Variants in GCNT1 observed in about 807,000 individuals in gnomAD.
GCNT1 encodes the protein glucosaminyl (N-acetyl) transferase 1, also known as beta-1,3-galactosyl-O-glycosyl-glycoprotein beta-1,6-N-acetylglucosaminyltransferase.
A neutral mutation model predicts 26.2 loss-of-function variants in GCNT1; 16 were observed. That is an observed-to-expected ratio of 0.61 (90% confidence interval 0.41 to 0.93). GCNT1 has a LOEUF of 0.93. Among genes scored for constraint, GCNT1 ranks in the 40% least tolerant of loss-of-function variants. GCNT1 has a pLI of 0.00. For missense variants in GCNT1, 477 were observed against 526.7 expected, an observed-to-expected ratio of 0.91 and a Z score of 0.92; for synonymous variants, 183 against 190.8, an observed-to-expected ratio of 0.96 and a Z score of 0.34.
the GCNT1 span, among the ~76,000 whole-genome samples, chr9:76,414,129 G>C: frequency 1.3e-5 from 2 of 152,128 alleles, no homozygotes; most frequent in Non-Finnish European, 2.9e-5. Context: ...TTCTCAATTA[G>C]AGCCTTTACT....
At chr9:76,450,245 T>A (rs1823643185) in intron 1 of GCNT1, among the ~76,000 whole-genome samples, 1 of 152,254 alleles carries the variant, frequency 6.6e-6, no homozygotes, top group African/African-American at 2.4e-5. Context: ...GCTTTTTGAC[T>A]TTTCCTTTGA....
chr9:76,472,739 CTTTTCTTTTCTTT>C (rs1403329399), intron 2 of GCNT1, among the ~76,000 whole-genome samples: 34 of 95,910 alleles, frequency 3.5e-4, no homozygotes, highest in African/African-American at 1.4e-3. Flanking sequence ...CTTTTCTTTT[CTTTTCTTTTCTTT>C]TTTTTTTTTT....
intron 2 of GCNT1, among the ~76,000 whole-genome samples, chr9:76,496,055 G>A (rs1824900393): frequency 6.6e-6 from 1 of 152,176 alleles, no homozygotes; most frequent in Non-Finnish European, 1.5e-5. Flanking sequence ...GCCCTGGGCT[G>A]ACAATCAAAG....
intron 1 of GCNT1, among the ~76,000 whole-genome samples, chr9:76,434,240 T>C (rs769553048): frequency 1.3e-5 from 2 of 152,160 alleles, no homozygotes; most frequent in African/African-American, 4.8e-5. Context: ...GGGGGACTAA[T>C]GTAGTATGAT....
At chr9:76,478,226 C>T (rs1564238351) in intron 2 of GCNT1, among the ~76,000 whole-genome samples, 2 of 152,224 alleles carry the variant, frequency 1.3e-5, no homozygotes, top group African/African-American at 4.8e-5. Context: ...CACAATAAAT[C>T]TTGCTGTTGG....
In GCNT1 at chr9:76,506,495, C is replaced by T. The variant is rs1825242957; in HGVS notation, c.*2827C>T. The T allele has an allele frequency of 6.0e-6, 1 of 166,788 alleles. No individual in the cohort carries two copies. Among genetic ancestry groups the T allele is most frequent in the African/African-American group, 2.4e-5 (1 of 41,408 alleles). The allele number at this position is 166,788 out of a possible 1,614,324, so 10.3% of individuals were successfully genotyped here. A position where few individuals can be genotyped will look rare whatever the true frequency, so the allele number is the denominator to read the frequency against. On this transcript the variant is annotated 3_prime_UTR_variant, in exon 4 of 4. Coordinates refer to ENST00000376730, the MANE Select transcript of GCNT1 (RefSeq NM_001490.5). ...AGGTTGCAGTGAGCTGAGATGCCAC[C>T]ACCACACCAGCCTGGGTGACAGAGT... is the stretch of plus-strand genomic sequence containing the variant.
At chr9:76,494,594 C>A (rs531978576) in intron 2 of GCNT1, among the ~76,000 whole-genome samples, 36 of 152,188 alleles carry the variant, frequency 2.4e-4, no homozygotes, top group African/African-American at 8.4e-4. Context: ...GATTGGTGAG[C>A]CCAGGTGCCT....
chr9:76,436,927 G>A (rs905853978), upstream of GCNT1, among the ~76,000 whole-genome samples: 21 of 152,166 alleles, frequency 1.4e-4, no homozygotes, highest in African/African-American at 4.8e-4. Context: ...TTGGACACAG[G>A]GTGGGGAGCA....
chr9:76,490,302 G>A (rs1824696394), intron 2 of GCNT1, among the ~76,000 whole-genome samples: 1 of 152,204 alleles, frequency 6.6e-6, no homozygotes, highest in African/African-American at 2.4e-5. Context: ...GAGTCTATTT[G>A]GGATTGTAGT....
chr9:76,472,772 G>T (rs868358929), intron 2 of GCNT1, among the ~76,000 whole-genome samples: 12 of 126,154 alleles, frequency 9.5e-5, no homozygotes, highest in African/African-American at 3.7e-4. Flanking sequence ...TTTTTGAGAT[G>T]GAGTCTCGCT....
intron 1 of GCNT1, among the ~76,000 whole-genome samples, chr9:76,432,652 T>A (rs547176854): frequency 1.3e-5 from 2 of 152,174 alleles, no homozygotes; most frequent in Non-Finnish European, 2.9e-5. Context: ...AGTTTAATAT[T>A]GTCTTTCACA....
the GCNT1 span, among the ~76,000 whole-genome samples, chr9:76,402,334 A>G: frequency 6.6e-6 from 1 of 152,258 alleles, no homozygotes; most frequent in Non-Finnish European, 1.5e-5. Context: ...CTGTTGTATC[A>G]TATTAAATTC....
At chr9:76,451,246 A>T (rs570124905) in intron 1 of GCNT1, among the ~76,000 whole-genome samples, 1 of 152,334 alleles carries the variant, frequency 6.6e-6, no homozygotes, top group East Asian at 1.9e-4. Flanking sequence ...GACTTTATTC[A>T]AAAGGATTAT....
intron 2 of GCNT1, among the ~76,000 whole-genome samples, chr9:76,474,960 G>A (rs942374850): frequency 2.0e-5 from 3 of 152,078 alleles, no homozygotes; most frequent in South Asian, 2.1e-4. Context: ...GTTTTGAGAC[G>A]GAGTCTCGCT....
intron 2 of GCNT1, among the ~76,000 whole-genome samples, chr9:76,461,987 A>T (rs1823881003): frequency 6.6e-6 from 1 of 152,222 alleles, no homozygotes; most frequent in Non-Finnish European, 1.5e-5. Flanking sequence ...CGGTGATTAT[A>T]TTCTCCGATG....
intron 2 of GCNT1, among the ~76,000 whole-genome samples, chr9:76,480,831 A>G (rs1485506391): frequency 1.3e-5 from 2 of 152,228 alleles, no homozygotes; most frequent in African/African-American, 4.8e-5. Context: ...TGTAAACTAC[A>G]CAGATGAAAC....
intron 2 of GCNT1, among the ~76,000 whole-genome samples, chr9:76,492,736 C>T (rs1210477509): frequency 6.6e-6 from 1 of 151,630 alleles, no homozygotes; most frequent in Non-Finnish European, 1.5e-5. Context: ...CTGCAAACCA[C>T]ACTGATAACA....
chr9:76,396,698 C>T, the GCNT1 span, among the ~76,000 whole-genome samples: 3 of 152,004 alleles, frequency 2.0e-5, no homozygotes, highest in East Asian at 5.8e-4. Flanking sequence ...AAAAATTAGC[C>T]GGGAGTGGTG....
chr9:76,503,183 AAC>A lies in GCNT1; in HGVS notation c.806_807del (p.Thr269ArgfsTer24), dbSNP rs1564249297. 9.3e-6 allele frequency: 15 copies of A among 1,614,054 alleles called. No individual in the cohort carries two copies. Among genetic ancestry groups the A allele is most frequent in the Non-Finnish European group, 1.2e-5 (14 of 1,180,024 alleles). On this transcript the variant is annotated frameshift_variant, in exon 4 of 4. Coordinates refer to ENST00000376730, the MANE Select transcript of GCNT1 (RefSeq NM_001490.5). LOFTEE classifies it high-confidence loss of function. ...TGAGGTCGTTAATGGAAAGCTGACA[AAC>A]ACAGGGACTGTCAAAATGCTTCCTC... Reference protein sequence around the residue: ...RYEVVNGKLTNTGTVKMLPPL... With the variant: ...RYEVVNGKLTXTGTVKMLPPL...
Sources: gnomAD v4.1 joint callset for allele counts (sites outside exome capture counted in the v4.1 genomes callset) on GRCh38, gnomAD v4.1.1 for gene constraint, MANE v1.5 for transcripts, NCBI Gene and HGNC (gene_info 2026-07-23, HGNC 2026-07-21) for gene names.